Variants in SYN3 observed in about 807,000 individuals in gnomAD.
SYN3 encodes the protein synapsin-3.
A neutral mutation model predicts 65.8 loss-of-function variants in SYN3; 35 were observed. The ratio of observed to expected loss-of-function variants is 0.53; its 90% CI spans 0.41 to 0.70. The LOEUF (loss-of-function observed/expected upper bound fraction) is 0.70. Among genes scored for constraint, SYN3 ranks in the 30% least tolerant of loss-of-function variants. The probability of loss-of-function intolerance (pLI) is 0.00; values close to 1 mark genes in which losing one functional copy is unlikely to be tolerated. For synonymous variants in SYN3, 270 were observed against 292.9 expected (o/e 0.92, Z 0.80); for missense variants, 680 against 749.0 (o/e 0.91, Z 1.08).
intron 3 of SYN3, among the ~76,000 whole-genome samples, chr22:32,962,664 G>C (rs2051692224): frequency 6.6e-6 from 1 of 152,106 alleles, no homozygotes; most frequent in African/African-American, 2.4e-5. Context: ...TCAAATCCTG[G>C]CTCTGCCAAT....
At chr22:33,007,260 T>G (rs897524279) in intron 1 of SYN3, among the ~76,000 whole-genome samples, 1 of 152,170 alleles carries the variant, frequency 6.6e-6, no homozygotes, top group African/African-American at 2.4e-5. Context: ...TGATTCAAAA[T>G]TATAGGAACC....
At chr22:32,560,043 A>C (rs2058564426) in intron 7 of SYN3, among the ~76,000 whole-genome samples, 1 of 152,184 alleles carries the variant, frequency 6.6e-6, no homozygotes, top group Non-Finnish European at 1.5e-5. Context: ...ACTTCAGTAA[A>C]CACACTGTGC....
chr22:32,537,185 G>A (rs1360157432), intron 9 of SYN3, among the ~76,000 whole-genome samples: 1 of 151,552 alleles, frequency 6.6e-6, no homozygotes, highest in Non-Finnish European at 1.5e-5. Context: ...TTTAAACAGA[G>A]TTTTGCTCTT....
At chr22:32,589,476 C>G (rs1327401090) in intron 7 of SYN3, among the ~76,000 whole-genome samples, 3 of 152,180 alleles carry the variant, frequency 2.0e-5, no homozygotes, top group Non-Finnish European at 4.4e-5. Context: ...AAGTTTGTCT[C>G]TATTTCAGGG....
intron 1 of SYN3, among the ~76,000 whole-genome samples, chr22:33,024,850 G>C (rs1471930690): frequency 6.6e-6 from 1 of 152,190 alleles, no homozygotes; most frequent in African/African-American, 2.4e-5. Context: ...GGGAGATGCC[G>C]TTACTGGGCA....
At chr22:32,601,470 G>T (rs1383263244) in intron 6 of SYN3, among the ~76,000 whole-genome samples, 10 of 152,104 alleles carry the variant, frequency 6.6e-5, no homozygotes, top group Non-Finnish European at 1.0e-4. Context: ...GTAGAGACGG[G>T]GTTTCACCGT....
chr22:33,041,677 T>C (rs2053967276), intron 1 of SYN3, among the ~76,000 whole-genome samples: 1 of 152,146 alleles, frequency 6.6e-6, no homozygotes. Flanking sequence ...CTGACACTTA[T>C]CCTCTTACCT....
intron 3 of SYN3, among the ~76,000 whole-genome samples, chr22:32,954,806 C>A (rs1361429803): frequency 2.7e-5 from 4 of 149,372 alleles, no homozygotes; most frequent in Non-Finnish European, 5.9e-5. Flanking sequence ...ATTGAAGGAG[C>A]TGAAGCGGGG....
intron 4 of SYN3, among the ~76,000 whole-genome samples, chr22:32,878,584 T>G (rs753393660): frequency 3.3e-5 from 5 of 152,220 alleles, no homozygotes; most frequent in Non-Finnish European, 7.3e-5. Context: ...GGTACCACCA[T>G]GGTTGAGTGA....
At chr22:32,819,273 C>G (rs917472038) in intron 6 of SYN3, among the ~76,000 whole-genome samples, 2 of 152,200 alleles carry the variant, frequency 1.3e-5, no homozygotes, top group African/African-American at 4.8e-5. Context: ...TCCCCAGGAC[C>G]AAAGGTCTGG....
rs1314204392 is a variant in SYN3, at chr22:32,772,282, G to A, written c.711+92633C>T. ...TTCTTTTCTTTTTTTTTTTTTTCAAGAGGAGGGAGGCAGGTATGAGGGAGA... is the reference window on the plus strand; with the variant it reads ...TTCTTTTCTTTTTTTTTTTTTTCAAAAGGAGGGAGGCAGGTATGAGGGAGA... On this transcript the variant is annotated intron_variant, in intron 6 of 13. Transcript: ENST00000358763. Among the ~76,000 whole-genome samples, 4 of 137,554 alleles carry A rather than the reference G, an allele frequency of 2.9e-5. No individual in the cohort carries two copies. The South Asian group carries it at 6.8e-4, about 23-fold the overall frequency. 90.2% of individuals were successfully genotyped at this position (137,554 alleles called of 152,430 possible).
intron 4 of SYN3, among the ~76,000 whole-genome samples, chr22:32,916,297 T>C (rs539892348): frequency 1.3e-5 from 2 of 152,286 alleles, no homozygotes; most frequent in South Asian, 2.1e-4. Flanking sequence ...GGCCCACAGA[T>C]TGAAAGCAAA....
At chr22:32,922,603 T>G (rs1299748812) in intron 4 of SYN3, among the ~76,000 whole-genome samples, 2 of 152,098 alleles carry the variant, frequency 1.3e-5, no homozygotes, top group East Asian at 3.9e-4. Flanking sequence ...TGCTTGGCTG[T>G]GTGTTCCTTT....
rs962762205 is a variant in SYN3 at position 32,678,797 on chromosome 22, A to G, written c.712-82061T>C. ...CTTATGGTTTTTCTTCTCTTCCTTC[A>G]TATTCTTTGCTGGCTCTTCTTTTTT... On this transcript the variant is annotated intron_variant, in intron 6 of 13. Coordinates refer to ENST00000358763, the MANE Select transcript of SYN3 (RefSeq NM_003490.4). Among the ~76,000 whole-genome samples the G allele has an allele frequency of 2.0e-5, 3 of 151,890 alleles. No individual in the cohort carries two copies. In the East Asian group the frequency reaches 5.8e-4, roughly 29 times the overall value.
At chr22:32,892,343 G>A (rs1054093699) in intron 4 of SYN3, among the ~76,000 whole-genome samples, 1 of 152,092 alleles carries the variant, frequency 6.6e-6, no homozygotes, top group Admixed American at 6.5e-5. Context: ...CACAGTCATT[G>A]TCTTATTCAA....
rs201990051 is a variant in SYN3 at position 32,535,784 on chromosome 22, G to GC, written c.993-1890_993-1889insG. On this transcript the variant is annotated intron_variant, in intron 9 of 13. Coordinates refer to ENST00000358763, the MANE Select transcript of SYN3 (RefSeq NM_003490.4). ...AGCGTGAGAGTGCTTGGAGAATCGG[G>GC]GGGGGGGCCCTGCTCCCCTCCTGCC... Among the ~76,000 whole-genome samples, 12 of 152,106 alleles carry GC rather than the reference G, an allele frequency of 7.9e-5. No individual in the cohort carries two copies. In the East Asian group the frequency reaches 1.5e-3, roughly 20 times the overall value.
chr22:32,696,816 TTC>T (rs2060743024), intron 6 of SYN3, among the ~76,000 whole-genome samples: 2 of 152,296 alleles, frequency 1.3e-5, no homozygotes, highest in South Asian at 4.1e-4. Flanking sequence ...CCATTCTTTT[TTC>T]TCTGTTTCCC....
rs2057807085 is a variant in SYN3, at chr22:32,518,026, A to G, written c.1610+17T>C. The G allele has an allele frequency of 2.0e-6, 3 of 1,508,946 alleles. No individual in the cohort carries two copies. Among genetic ancestry groups the G allele is most frequent in the Non-Finnish European group, 2.7e-6 (3 of 1,130,774 alleles). 93.5% of individuals were successfully genotyped at this position (1,508,946 alleles called of 1,614,324 possible). A position where few individuals can be genotyped will look rare whatever the true frequency, so the allele number is the denominator to read the frequency against. On this transcript the variant is annotated intron_variant, in intron 13 of 13. Transcript: ENST00000358763. ...CCAGCTCTATCCTATACCTTTTCCAATTCCCAAAGCACTTACTTGAGATGC... is the reference window on the plus strand; with the variant it reads ...CCAGCTCTATCCTATACCTTTTCCAGTTCCCAAAGCACTTACTTGAGATGC...
At position 32,886,844 on chromosome 22, in the gene SYN3, T is replaced by A. The variant is rs997564054; in HGVS notation, c.462-17719A>T. The stretch of plus-strand genomic sequence containing the variant: ...CAACATAATGGCTTTGAGATTTGTC[T>A]GCATAGTTACGTGCTGCCAAGTATG... On this transcript the variant is annotated intron_variant, in intron 4 of 13. Coordinates refer to ENST00000358763, the MANE Select transcript of SYN3 (RefSeq NM_003490.4). 2.6e-5 allele frequency among the ~76,000 whole-genome samples: 4 copies of A among 152,232 alleles called. No individual in the cohort carries two copies. In the East Asian group the frequency reaches 7.7e-4, roughly 29 times the overall value.
Sources: allele counts gnomAD v4.1 joint callset (sites outside exome capture counted in the v4.1 genomes callset), GRCh38; gene constraint gnomAD v4.1.1; transcripts MANE v1.5; gene names NCBI Gene and HGNC (gene_info 2026-07-23, HGNC 2026-07-21).